KIF26B: variants seen among roughly 807,000 people sequenced by gnomAD.
KIF26B encodes the protein kinesin family member 26B.
KIF26B carries 63 observed loss-of-function variants against 151.2 expected under a neutral mutation model. The ratio of observed to expected loss-of-function variants is 0.42; its 90% CI spans 0.34 to 0.51. The LOEUF (loss-of-function observed/expected upper bound fraction) is 0.51, where lower values mean the gene tolerates loss of function less well. Ranked by LOEUF, KIF26B falls within the 20% of genes least tolerant of loss-of-function variation. The pLI is 0.07. For synonymous variants in KIF26B, 1,357 were observed against 1,262.1 expected (o/e 1.08, Z -1.59); for missense variants, 2,813 against 2,913.6 (o/e 0.97, Z 0.79).
In KIF26B at chr1:245,559,044, G is replaced by A. The variant is rs746876108; in HGVS notation, c.1350+18094G>A. Among the ~76,000 whole-genome samples the A allele has an allele frequency of 2.0e-5, 3 of 152,198 alleles. No homozygotes were observed. In the South Asian group the frequency reaches 6.2e-4, roughly 32 times the overall value. On this transcript the variant is annotated intron_variant, in intron 5 of 14. Transcript: ENST00000407071. ...TCTCAGTCTTTGTGTGTGCGGACACGTGGCATTTAAATTAAAATTTGGCCA... is the reference window on the plus strand; with the variant it reads ...TCTCAGTCTTTGTGTGTGCGGACACATGGCATTTAAATTAAAATTTGGCCA...
intron 5 of KIF26B, among the ~76,000 whole-genome samples, chr1:245,565,332 A>G (rs1473406858): frequency 5.4e-5 from 8 of 148,498 alleles, no homozygotes; most frequent in Non-Finnish European, 1.2e-4. Context: ...TCTGTTGCCC[A>G]GGCTGGAGTG....
At chr1:245,291,097 G>A (rs1258898004) in intron 2 of KIF26B, among the ~76,000 whole-genome samples, 1 of 152,196 alleles carries the variant, frequency 6.6e-6, no homozygotes, top group African/African-American at 2.4e-5. Flanking sequence ...CTGTAAGAAA[G>A]GGAGCAGAAG....
chr1:245,287,655 C>T (rs1671189682), intron 2 of KIF26B, among the ~76,000 whole-genome samples: 1 of 152,116 alleles, frequency 6.6e-6, no homozygotes, highest in Non-Finnish European at 1.5e-5. Context: ...AGGCATGCGT[C>T]ACCACGCCCG....
At chr1:245,257,097 AC>A (rs1424186182) in intron 2 of KIF26B, among the ~76,000 whole-genome samples, 1 of 152,146 alleles carries the variant, frequency 6.6e-6, no homozygotes, top group East Asian at 1.9e-4. Context: ...CCTTATCTTA[AC>A]CCAGACACTC....
In KIF26B at chr1:245,303,202, T is replaced by C. The variant is rs1036305939; in HGVS notation, c.466-63632T>C. 1.3e-4 allele frequency among the ~76,000 whole-genome samples: 19 copies of C among 143,316 alleles called. No individual in the cohort carries two copies. In the East Asian group the frequency reaches 2.2e-3, roughly 17 times the overall value. 94.0% of individuals were successfully genotyped at this position (143,316 alleles called of 152,430 possible). On this transcript the variant is annotated intron_variant, in intron 2 of 14. Coordinates refer to ENST00000407071, the MANE Select transcript of KIF26B (RefSeq NM_018012.4). The stretch of plus-strand genomic sequence containing the variant: ...GTTGAACTAAACTAAATGTTCTTTT[T>C]TTTTTTTTTTTTTTGCGACGGAGTC...
In KIF26B at chr1:245,698,053, A is replaced by C; in HGVS notation, c.5825-53A>C. ...CAAGACCCTGTCTCAAAAAAACAAC[A>C]AAAAAATTGAAATTCAGAAAGACTA... On this transcript the variant is annotated intron_variant, in intron 12 of 14. Coordinates refer to ENST00000407071, the MANE Select transcript of KIF26B (RefSeq NM_018012.4). The surrounding 1 kb of genome is among the most constrained non-coding windows in gnomAD (Gnocchi z 4.0). 6.5e-7 allele frequency: 1 copy of C among 1,532,362 alleles called. No homozygotes were observed. Among genetic ancestry groups the C allele is most frequent in the Non-Finnish European group, 8.8e-7 (1 of 1,131,108 alleles). The allele number at this position is 1,532,362 out of a possible 1,614,324, so 94.9% of individuals were successfully genotyped here. A position where few individuals can be genotyped will look rare whatever the true frequency, so the allele number is the denominator to read the frequency against.
At chr1:245,566,705 G>A (rs546008476) in intron 5 of KIF26B, among the ~76,000 whole-genome samples, 52 of 152,232 alleles carry the variant, frequency 3.4e-4, no homozygotes, top group Non-Finnish European at 5.6e-4. Flanking sequence ...CAAGGCAGGC[G>A]GATCAGAAGA....
At position 245,687,650 on chromosome 1, in the gene KIF26B, A is replaced by G. The variant is rs1391882454; in HGVS notation, c.4667A>G (p.Tyr1556Cys). ...GAGGAGCCGGACAGCCTCTCCTATT[A>G]CTGCGCTGCTGAGACCAACGGGGTG... ...RQEEPDSLSY[Y>C]CAAETNGVGA... Residue 1556 changes from tyrosine (Y) to cysteine (C), a missense_variant, in exon 12 of 15, where the codon TAC (tyrosine) becomes TGC (cysteine). By Grantham distance (194) the Tyr-to-Cys change is radical. Transcript: ENST00000407071. This position sits in a 1 kb window ranked among gnomAD's most constrained non-coding sequence, Gnocchi z 4.9. 6.4e-7 allele frequency: 1 copy of G among 1,572,482 alleles called. No individual in the cohort carries two copies. The highest frequency in any genetic ancestry group is 2.4e-5 in the East Asian group (1 of 42,540).
chr1:245,527,317 ACT>A (rs1661257530), intron 4 of KIF26B, among the ~76,000 whole-genome samples: 1 of 152,104 alleles, frequency 6.6e-6, no homozygotes, highest in Non-Finnish European at 1.5e-5. Context: ...AAAATCAGGC[ACT>A]GACATTCCAT....
At chr1:245,670,276 A>ATATG (rs2044268776) in intron 10 of KIF26B, among the ~76,000 whole-genome samples, 1 of 136,584 alleles carries the variant, frequency 7.3e-6, no homozygotes, top group South Asian at 2.4e-4. Flanking sequence ...ATATATATAT[A>ATATG]TATATGCACA....
intron 4 of KIF26B, among the ~76,000 whole-genome samples, chr1:245,423,746 T>G (rs1187484416): frequency 6.6e-6 from 1 of 152,242 alleles, no homozygotes; most frequent in Non-Finnish European, 1.5e-5. Flanking sequence ...GGATAAATGT[T>G]GGTGTTCATC....
intron 4 of KIF26B, among the ~76,000 whole-genome samples, chr1:245,463,707 C>T (rs1484397497): frequency 6.6e-6 from 1 of 152,134 alleles, no homozygotes; most frequent in East Asian, 1.9e-4. Context: ...TCCAGGGCCA[C>T]CAAAGCCCGT....
chr1:245,555,328 C>A (rs1306076627), intron 5 of KIF26B, among the ~76,000 whole-genome samples: 1 of 152,134 alleles, frequency 6.6e-6, no homozygotes, highest in Non-Finnish European at 1.5e-5. Flanking sequence ...AGGTCATGAG[C>A]GCCTGGAACT....
At chr1:245,591,847 G>A (rs2043291861) in intron 5 of KIF26B, among the ~76,000 whole-genome samples, 2 of 152,128 alleles carry the variant, frequency 1.3e-5, no homozygotes, top group African/African-American at 4.8e-5. Flanking sequence ...TTGCAGCCTG[G>A]CCAGCCCTGT....
intron 5 of KIF26B, among the ~76,000 whole-genome samples, chr1:245,545,702 G>A (rs1661727632): frequency 6.6e-6 from 1 of 152,346 alleles, no homozygotes; most frequent in Middle Eastern, 3.4e-3. Context: ...AAGATGATTA[G>A]TGGATCAAAG....
At chr1:245,491,515 G>C (rs1205669933) in intron 4 of KIF26B, among the ~76,000 whole-genome samples, 4 of 152,184 alleles carry the variant, frequency 2.6e-5, no homozygotes, top group African/African-American at 9.7e-5. Flanking sequence ...GTAAACCTTG[G>C]GGAATGTTCC....
rs1186926264 is a variant in KIF26B at position 245,686,597 on chromosome 1, G to GC, written c.3616dup (p.Arg1206ProfsTer61). ...ACCATCAGCGGGGTCCTGGACAGCG[G>GC]CCGCCCCACCAGCATCATCAGCTTC... is the stretch of plus-strand genomic sequence containing the variant. On this transcript the variant is annotated frameshift_variant, in exon 12 of 15. Transcript: ENST00000407071. LOFTEE classifies it high-confidence loss of function. The surrounding 1 kb of genome is among the most constrained non-coding windows in gnomAD (Gnocchi z 5.6). 1 of 1,611,414 alleles carries GC rather than the reference G, an allele frequency of 6.2e-7. No individual in the cohort carries two copies. The highest frequency in any genetic ancestry group is 8.5e-7 in the Non-Finnish European group (1 of 1,179,218).
chr1:245,397,441 C>G (rs1673876521), intron 3 of KIF26B, among the ~76,000 whole-genome samples: 1 of 152,134 alleles, frequency 6.6e-6, no homozygotes, highest in Non-Finnish European at 1.5e-5. Context: ...GTATCGAACT[C>G]CCGACCTCAG....
chr1:245,211,517 C>G (rs1669530100), intron 2 of KIF26B, among the ~76,000 whole-genome samples: 1 of 152,072 alleles, frequency 6.6e-6, no homozygotes, highest in African/African-American at 2.4e-5. Context: ...CCTGCCTCAG[C>G]CTCTCAAGGA....
Sources: allele counts gnomAD v4.1 joint callset (sites outside exome capture counted in the v4.1 genomes callset), GRCh38; gene constraint gnomAD v4.1.1; non-coding constraint Gnocchi (gnomAD v3.1); transcripts MANE v1.5; gene names NCBI Gene and HGNC (gene_info 2026-07-23, HGNC 2026-07-21).